NELL2: variants seen among roughly 807,000 people sequenced by gnomAD.
The protein encoded by NELL2 is protein kinase C-binding protein NELL2.
In NELL2, 41 loss-of-function variants were observed where a neutral mutation model predicts 109.6. That is an observed-to-expected ratio of 0.37 (90% confidence interval 0.29 to 0.49). The LOEUF (loss-of-function observed/expected upper bound fraction) is 0.49. NELL2 is among the 20% of genes least tolerant of loss of function. NELL2 has a pLI of 0.98. For synonymous variants in NELL2, 355 were observed against 344.7 expected, an observed-to-expected ratio of 1.03 and a Z score of -0.33; for missense variants, 900 against 1,008.3, an observed-to-expected ratio of 0.89 and a Z score of 1.45.
At chr12:44,785,029 C>A (rs1350259391) in intron 3 of NELL2, among the ~76,000 whole-genome samples, 1 of 152,062 alleles carries the variant, frequency 6.6e-6, no homozygotes, top group African/African-American at 2.4e-5. Flanking sequence ...AAGTTCTGGC[C>A]AAGGCAATCA....
intron 2 of NELL2, among the ~76,000 whole-genome samples, chr12:44,845,036 T>C (rs968113434): frequency 1.3e-5 from 2 of 152,160 alleles, no homozygotes; most frequent in Non-Finnish European, 2.9e-5. Context: ...AAAATGGAAA[T>C]GAGAGTCCCA....
At chr12:44,748,399 T>C (rs1010393834) in intron 9 of NELL2, among the ~76,000 whole-genome samples, 7 of 152,178 alleles carry the variant, frequency 4.6e-5, no homozygotes, top group South Asian at 2.1e-4. Flanking sequence ...GAATCGCTAC[T>C]TCTTTTGCAT....
chr12:44,584,212 G>A lies in NELL2; in HGVS notation c.1663+22957C>T, dbSNP rs146486566. 3.9e-5 allele frequency among the ~76,000 whole-genome samples: 6 copies of A among 152,294 alleles called. No individual in the cohort carries two copies. In the East Asian group the frequency reaches 5.8e-4, roughly 15 times the overall value. The stretch of plus-strand genomic sequence containing the variant: ...ATTACATAATTGGTTTTAAACGTCC[G>A]CTTACCCTCCTAAGATGCAGAAAGA... On this transcript the variant is annotated intron_variant, in intron 15 of 19. Coordinates refer to ENST00000429094, the MANE Select transcript of NELL2 (RefSeq NM_001145108.2).
chr12:44,817,767 T>A (rs1943400600), intron 2 of NELL2, among the ~76,000 whole-genome samples: 1 of 152,156 alleles, frequency 6.6e-6, no homozygotes, highest in African/African-American at 2.4e-5. Context: ...ATTTACTCTC[T>A]TGGTTTAAAA....
At chr12:44,766,822 T>C (rs945839762) in intron 9 of NELL2, among the ~76,000 whole-genome samples, 1 of 152,220 alleles carries the variant, frequency 6.6e-6, no homozygotes, top group Non-Finnish European at 1.5e-5. Flanking sequence ...TAGATTTGCA[T>C]AACGCTTTCT....
intron 2 of NELL2, among the ~76,000 whole-genome samples, chr12:44,863,016 C>T (rs1030157376): frequency 1.3e-5 from 2 of 152,134 alleles, no homozygotes; most frequent in African/African-American, 4.8e-5. Flanking sequence ...CATAGGTATA[C>T]ACGTGCCATG....
At chr12:44,831,090 T>C (rs780538243) in intron 2 of NELL2, among the ~76,000 whole-genome samples, 1 of 151,888 alleles carries the variant, frequency 6.6e-6, no homozygotes, top group East Asian at 1.9e-4. Flanking sequence ...CCTCTTGAAG[T>C]TTTTCCCACC....
intron 15 of NELL2, among the ~76,000 whole-genome samples, chr12:44,565,411 G>T (rs1347239070): frequency 2.0e-5 from 3 of 152,142 alleles, no homozygotes; most frequent in African/African-American, 7.2e-5. Context: ...TGAAATACGT[G>T]CATCTTAGAA....
intron 12 of NELL2, among the ~76,000 whole-genome samples, chr12:44,684,929 C>T (rs1395516967): frequency 2.0e-5 from 3 of 152,000 alleles, no homozygotes; most frequent in East Asian, 1.9e-4. Flanking sequence ...AGATGTCTAC[C>T]AGGTCTGCTT....
chr12:44,712,845 T>C (rs1454928688), intron 10 of NELL2, among the ~76,000 whole-genome samples: 2 of 152,034 alleles, frequency 1.3e-5, no homozygotes, highest in African/African-American at 4.8e-5. Context: ...GTTGAAATGA[T>C]GATATTTTGG....
chr12:44,693,232 C>T (rs2136399440), intron 12 of NELL2, among the ~76,000 whole-genome samples: 1 of 152,284 alleles, frequency 6.6e-6, no homozygotes, highest in African/African-American at 2.4e-5. Flanking sequence ...TTATGACTCT[C>T]TGAAGGCTCG....
intron 16 of NELL2, among the ~76,000 whole-genome samples, chr12:44,529,379 G>A (rs1233079894): frequency 6.6e-6 from 1 of 152,184 alleles, no homozygotes; most frequent in African/African-American, 2.4e-5. Flanking sequence ...GAAAAGTTCT[G>A]TTTTAGTCGT....
intron 9 of NELL2, among the ~76,000 whole-genome samples, chr12:44,734,718 A>G (rs982915119): frequency 2.6e-5 from 4 of 151,974 alleles, no homozygotes; most frequent in African/African-American, 9.7e-5. Flanking sequence ...TAACATATTT[A>G]TTCTCCCTAC....
chr12:44,749,147 G>T (rs926185676), intron 9 of NELL2, among the ~76,000 whole-genome samples: 1 of 152,112 alleles, frequency 6.6e-6, no homozygotes, highest in Non-Finnish European at 1.5e-5. Flanking sequence ...TGACCCACTT[G>T]AAGCTGTCTA....
chr12:44,737,365 A>G (rs1250387110), intron 9 of NELL2, among the ~76,000 whole-genome samples: 1 of 128,682 alleles, frequency 7.8e-6, no homozygotes, highest in Non-Finnish European at 1.8e-5. Context: ...TAACTTTTTT[A>G]TAATAAACAA....
chr12:44,593,647 G>A (rs906760773), intron 15 of NELL2, among the ~76,000 whole-genome samples: 2 of 152,042 alleles, frequency 1.3e-5, no homozygotes, highest in African/African-American at 2.4e-5. Context: ...TGGTATTTCT[G>A]GTTCTAGATC....
chr12:44,598,010 A>C (rs1230344340), intron 15 of NELL2, among the ~76,000 whole-genome samples: 1 of 152,170 alleles, frequency 6.6e-6, no homozygotes, highest in East Asian at 1.9e-4. Flanking sequence ...GTCTTTTGTC[A>C]TATAAGCTAC....
intron 10 of NELL2, among the ~76,000 whole-genome samples, chr12:44,712,538 C>G (rs1330258242): frequency 6.6e-6 from 1 of 152,002 alleles, no homozygotes; most frequent in Non-Finnish European, 1.5e-5. Context: ...AAAGAACAAA[C>G]AGGGACTCGA....
chr12:44,669,688 A>G (rs552994601), intron 12 of NELL2, among the ~76,000 whole-genome samples: 8 of 152,186 alleles, frequency 5.3e-5, no homozygotes, highest in African/African-American at 1.9e-4. Context: ...GAAATAACTC[A>G]GTCAGACCAA....
Sources: allele counts gnomAD v4.1 joint callset (sites outside exome capture counted in the v4.1 genomes callset), GRCh38; gene constraint gnomAD v4.1.1; transcripts MANE v1.5; gene names NCBI Gene and HGNC (gene_info 2026-07-23, HGNC 2026-07-21).